The following NAPA variants were observed in gnomAD, a reference collection of about 807,000 sequenced individuals.
The protein encoded by NAPA is NSF attachment protein alpha.
In NAPA, 18 loss-of-function variants were observed where a neutral mutation model predicts 48.0. The observed-to-expected ratio is 0.38, with a 90% CI of 0.26 to 0.56. The LOEUF is 0.56. NAPA is among the 20% of genes least tolerant of loss of function. The pLI is 0.77. For missense variants in NAPA, 315 were observed against 385.0 expected (o/e 0.82, Z 1.52); for synonymous variants, 152 against 149.9 (o/e 1.01, Z -0.10).
chr19:47,494,334 T>C (rs963447637), intron 4 of NAPA, among the ~76,000 whole-genome samples: 1 of 152,172 alleles, frequency 6.6e-6, no homozygotes, highest in Admixed American at 6.5e-5. Flanking sequence ...GCAGCTGCTA[T>C]TATTGTTCTA....
intron 7 of NAPA, chr19:47,492,505 C>G: frequency 2.6e-6 from 1 of 387,482 alleles, no homozygotes; most frequent in Non-Finnish European, 4.9e-6. Flanking sequence ...TCCCAGGGGG[C>G]CAGCTGCCTG....
In NAPA at chr19:47,500,627, C is replaced by T. The variant is rs764515268; in HGVS notation, c.295+6G>A. 1.6e-5 allele frequency: 26 copies of T among 1,602,698 alleles called. No individual in the cohort carries two copies. Among genetic ancestry groups the T allele is most frequent in the Middle Eastern group, 3.4e-4 (2 of 5,842 alleles). The stretch of plus-strand genomic sequence containing the variant: ...GCCAGCCCGTGTGGCCCGCAGAGGC[C>T]CTCACCTTGGGGGTCGGCTTTCTTG... On this transcript the variant is annotated splice_donor_region_variant and intron_variant, in intron 3 of 10. Transcript: ENST00000263354.
intron 8 of NAPA, 153 bp from the exon 9 acceptor site, chr19:47,491,009 G>C (rs970500008): frequency 2.0e-5 from 12 of 606,630 alleles, no homozygotes; most frequent in Middle Eastern, 3.4e-4. Flanking sequence ...CTCTGTGTCT[G>C]TCAGTACCTT....
chr19:47,493,267 G>T lies in NAPA; in HGVS notation c.421-93C>A, dbSNP rs980227796. ...CCACACCCTCCGCCCTGCCTGCCTG[G>T]GACACAGCCAGACCCCATTCTCCAA... On this transcript the variant is annotated intron_variant, in intron 5 of 10. Transcript: ENST00000263354. This position sits in a 1 kb window ranked among gnomAD's most constrained non-coding sequence, Gnocchi z 6.4. The T allele has an allele frequency of 6.7e-7, 1 of 1,491,974 alleles. No individual in the cohort carries two copies. Among genetic ancestry groups the T allele is most frequent in the African/African-American group, 1.4e-5 (1 of 72,478 alleles). 92.4% of individuals were successfully genotyped at this position (1,491,974 alleles called of 1,614,324 possible). A position where few individuals can be genotyped will look rare whatever the true frequency, so the allele number is the denominator to read the frequency against.
intron 10 of NAPA, 91 bp from the exon 11 acceptor site, chr19:47,488,480 G>A (rs1968141129): frequency 2.0e-6 from 2 of 991,644 alleles, no homozygotes; most frequent in Admixed American, 4.1e-5. Flanking sequence ...TTCAAGATCT[G>A]TCTCTGTCAC....
At chr19:47,486,788 G>GAGA (rs1968089234), downstream of NAPA, among the ~76,000 whole-genome samples, 1 of 152,232 alleles carries the variant, frequency 6.6e-6, no homozygotes, top group Non-Finnish European at 1.5e-5. Flanking sequence ...GGAGCTGTGG[G>GAGA]AGAAGCTGCA....
rs1568464230 is a variant in NAPA, at chr19:47,492,405, C to T, written c.562-286G>A. On this transcript the variant is annotated intron_variant, in intron 7 of 10. Coordinates refer to ENST00000263354, the MANE Select transcript of NAPA (RefSeq NM_003827.4). The stretch of plus-strand genomic sequence containing the variant: ...CCTGAGACAGTGGGAAGGAGGCAGC[C>T]TGGCTGTCAGGACCAACGGGAGGCT... 4 of 461,284 alleles carry T rather than the reference C, an allele frequency of 8.7e-6. No individual in the cohort carries two copies. The East Asian group carries it at 1.6e-4, about 19-fold the overall frequency. 28.6% of individuals were successfully genotyped at this position (461,284 alleles called of 1,614,324 possible).
chr19:47,492,328 T>G, intron 7 of NAPA: 3 of 530,172 alleles, frequency 5.7e-6, no homozygotes, highest in Non-Finnish European at 6.8e-6. Flanking sequence ...GGTGTGATGG[T>G]GGCTGGGTGG....
chr19:47,503,551 G>C, intron 1 of NAPA, 49 bp from the exon 2 acceptor site: 1 of 1,573,206 alleles, frequency 6.4e-7, no homozygotes, highest in Non-Finnish European at 8.7e-7. Flanking sequence ...CGGCTATCCA[G>C]GAGAAAGCAA....
At position 47,508,006 on chromosome 19, in the gene NAPA, G is replaced by T. The variant is rs369065877; in HGVS notation, c.99-4504C>A. On this transcript the variant is annotated intron_variant, in intron 1 of 10. Coordinates refer to ENST00000263354, the MANE Select transcript of NAPA (RefSeq NM_003827.4). ...TGGGAAAATAAGGAGGGAGGACAAG[G>T]TCCCTGCCTGCCCCCACCCCTCCTC... Among the ~76,000 whole-genome samples, 3 of 152,194 alleles carry T rather than the reference G, an allele frequency of 2.0e-5. No individual in the cohort carries two copies. The East Asian group carries it at 5.8e-4, about 29-fold the overall frequency.
intron 1 of NAPA, among the ~76,000 whole-genome samples, chr19:47,507,997 G>C (rs1968726570): frequency 6.6e-6 from 1 of 152,132 alleles, no homozygotes; most frequent in Non-Finnish European, 1.5e-5. Context: ...AATAAGGAGG[G>C]AGGACAAGGT....
intron 7 of NAPA, 151 bp from the exon 8 acceptor site, chr19:47,492,270 G>A: frequency 1.5e-6 from 1 of 653,116 alleles, no homozygotes; most frequent in South Asian, 1.8e-5. Context: ...GGGAGCCAGG[G>A]ACCAGCTTGG....
chr19:47,490,377 TGTGTGTGGG>T (rs1306675219), intron 9 of NAPA, among the ~76,000 whole-genome samples: 270 of 148,662 alleles, frequency 1.8e-3, no homozygotes, highest in African/African-American at 5.2e-3. Flanking sequence ...GTGTGTGTAG[TGTGTGTGGG>T]GTGTGTGGGG....
Position 47,493,248 on chromosome 19 carries a change from C to T in NAPA, c.421-74G>A. ...GGAGGCCTCCGTGAAGCTTCCACAC[C>T]CTCCGCCCTGCCTGCCTGGGACACA... On this transcript the variant is annotated intron_variant, in intron 5 of 10. Coordinates refer to ENST00000263354, the MANE Select transcript of NAPA (RefSeq NM_003827.4). The surrounding 1 kb of genome is among the most constrained non-coding windows in gnomAD (Gnocchi z 6.4). 1 of 1,516,486 alleles carries T rather than the reference C, an allele frequency of 6.6e-7. No individual in the cohort carries two copies. The highest frequency in any genetic ancestry group is 9.0e-7 in the Non-Finnish European group (1 of 1,112,040). 93.9% of individuals were successfully genotyped at this position (1,516,486 alleles called of 1,614,324 possible).
At chr19:47,495,617 G>C in intron 3 of NAPA, 21 bp from the exon 4 acceptor site, 1 of 1,613,106 alleles carries the variant, frequency 6.2e-7, no homozygotes. Flanking sequence ...AGGGAGGTGG[G>C]AGGAGACATG....
At chr19:47,501,054 G>C (rs1347538076) in intron 2 of NAPA, among the ~76,000 whole-genome samples, 1 of 152,142 alleles carries the variant, frequency 6.6e-6, no homozygotes, top group Non-Finnish European at 1.5e-5. Flanking sequence ...GAGAGCCAGG[G>C]TAAGCCCAGG....
In NAPA at chr19:47,506,157, CCTA is replaced by C. The variant is rs1344909800; in HGVS notation, c.99-2658_99-2656del. 1.2e-4 allele frequency among the ~76,000 whole-genome samples: 18 copies of C among 151,996 alleles called. No individual in the cohort carries two copies. The highest frequency in any genetic ancestry group is 1.2e-3 in the Admixed American group (18 of 15,256). ...GGATTACAGATGTGTGCCATCACACCCTACTAATTTTTGTATTATTAGTAGAGA... is the reference window on the plus strand; with the variant it reads ...GGATTACAGATGTGTGCCATCACACCCTAATTTTTGTATTATTAGTAGAGA... On this transcript the variant is annotated intron_variant, in intron 1 of 10. Transcript: ENST00000263354. This position sits in a 1 kb window ranked among gnomAD's most constrained non-coding sequence, Gnocchi z 4.0.
chr19:47,493,802 C>T lies in NAPA; in HGVS notation c.343-309G>A, dbSNP rs1361964486. ...TGTGACACCAGAGAGAATGTGAGCA[C>T]GAGCACTTGGCCAAGGCCCTGGCCC... On this transcript the variant is annotated intron_variant, in intron 4 of 10. Coordinates refer to ENST00000263354, the MANE Select transcript of NAPA (RefSeq NM_003827.4). The surrounding 1 kb of genome is among the most constrained non-coding windows in gnomAD (Gnocchi z 6.4). Among the ~76,000 whole-genome samples, 2 of 152,216 alleles carry T rather than the reference C, an allele frequency of 1.3e-5. No individual in the cohort carries two copies. The highest frequency in any genetic ancestry group is 3.9e-4 in the East Asian group (2 of 5,194).
chr19:47,488,262 A>G lies in NAPA; in HGVS notation c.*26T>C, dbSNP rs762095437. On this transcript the variant is annotated 3_prime_UTR_variant, in exon 11 of 11. Coordinates refer to ENST00000263354, the MANE Select transcript of NAPA (RefSeq NM_003827.4). ...CTCTCTGAGCAGATGGGACAGGAAGACGGGCACTGGGGGGCTGGGTGGGGC... is the reference window on the plus strand; with the variant it reads ...CTCTCTGAGCAGATGGGACAGGAAGGCGGGCACTGGGGGGCTGGGTGGGGC... The G allele has an allele frequency of 6.3e-7, 1 of 1,587,138 alleles. No individual in the cohort carries two copies.
Sources: gnomAD v4.1 joint callset for allele counts (sites outside exome capture counted in the v4.1 genomes callset) on GRCh38, gnomAD v4.1.1 for gene constraint, Gnocchi (gnomAD v3.1) non-coding constraint, MANE v1.5 for transcripts, NCBI Gene and HGNC (gene_info 2026-07-23, HGNC 2026-07-21) for gene names.